Variants in KLHL1 observed in about 807,000 individuals in gnomAD.
The protein encoded by KLHL1 is kelch-like protein 1.
KLHL1 carries 47 observed loss-of-function variants against 77.7 expected under a neutral mutation model. That is an observed-to-expected ratio of 0.60 (90% CI 0.48 to 0.77). The LOEUF is 0.77. Among genes scored for constraint, KLHL1 ranks in the 30% least tolerant of loss-of-function variants. The pLI, the probability that KLHL1 is intolerant of heterozygous loss-of-function variation, is 0.00. For missense variants in KLHL1, 925 were observed against 910.8 expected (o/e 1.02, Z -0.20); for synonymous variants, 360 against 325.2 (o/e 1.11, Z -1.15).
At chr13:69,883,855 T>C (rs1881096246) in intron 4 of KLHL1, among the ~76,000 whole-genome samples, 1 of 152,202 alleles carries the variant, frequency 6.6e-6, no homozygotes. Context: ...ATTCTGCTGT[T>C]TGGCCTTCTC....
At chr13:69,847,404 C>CAAA (rs11357077) in intron 5 of KLHL1, among the ~76,000 whole-genome samples, 2 of 145,850 alleles carry the variant, frequency 1.4e-5, no homozygotes, top group African/African-American at 2.6e-5. Flanking sequence ...ACTGCATTAG[C>CAAA]AAAAAAAAAA....
At chr13:69,730,708 T>C (rs1873505640) in intron 8 of KLHL1, among the ~76,000 whole-genome samples, 1 of 151,938 alleles carries the variant, frequency 6.6e-6, no homozygotes, top group Non-Finnish European at 1.5e-5. Context: ...GCCTCTTAAG[T>C]AGCTTTAACT....
At chr13:69,959,260 T>G (rs1883990723) in intron 3 of KLHL1, among the ~76,000 whole-genome samples, 1 of 152,008 alleles carries the variant, frequency 6.6e-6, no homozygotes, top group South Asian at 2.1e-4. Flanking sequence ...ACACAGGAAA[T>G]GCAAGACTGC....
intron 7 of KLHL1, among the ~76,000 whole-genome samples, chr13:69,767,787 C>A (rs1875379430): frequency 6.6e-6 from 1 of 152,084 alleles, no homozygotes; most frequent in Non-Finnish European, 1.5e-5. Flanking sequence ...ACCTCCATAT[C>A]CATGATCTTC....
intron 1 of KLHL1, among the ~76,000 whole-genome samples, chr13:70,070,772 T>C (rs1887119932): frequency 6.6e-6 from 1 of 152,090 alleles, no homozygotes; most frequent in South Asian, 2.1e-4. Flanking sequence ...TAACTGATAA[T>C]GATGTTATAA....
At chr13:69,739,889 A>C (rs956188642) in intron 8 of KLHL1, among the ~76,000 whole-genome samples, 10 of 152,116 alleles carry the variant, frequency 6.6e-5, no homozygotes, top group African/African-American at 2.4e-4. Context: ...TGCGTGTCAC[A>C]ATGAGGTGGT....
chr13:69,939,378 T>TATATATATACACAC (rs1200160699), intron 4 of KLHL1, among the ~76,000 whole-genome samples: 54 of 70,748 alleles, frequency 7.6e-4, no homozygotes, highest in African/African-American at 1.6e-3. Flanking sequence ...TATATATATA[T>TATATATATACACAC]ACACACACAC....
At chr13:69,949,613 G>C (rs958444787) in intron 3 of KLHL1, among the ~76,000 whole-genome samples, 7 of 151,732 alleles carry the variant, frequency 4.6e-5, no homozygotes, top group Non-Finnish European at 5.9e-5. Flanking sequence ...ACTTACGGAG[G>C]GGGGAGTTGT....
intron 6 of KLHL1, among the ~76,000 whole-genome samples, chr13:69,803,828 A>T (rs913102329): frequency 6.6e-6 from 1 of 152,202 alleles, no homozygotes; most frequent in Non-Finnish European, 1.5e-5. Flanking sequence ...CCAGCAAGAA[A>T]ACAGTACCTC....
intron 1 of KLHL1, among the ~76,000 whole-genome samples, chr13:70,058,374 G>A (rs890508458): frequency 2.0e-5 from 3 of 152,144 alleles, no homozygotes; most frequent in African/African-American, 2.4e-5. Context: ...GATAAATTCA[G>A]TAAAGTTATA....
Position 69,892,328 on chromosome 13 carries a change from A to G in KLHL1, c.1015-9833T>C, listed in dbSNP as rs1022321830. ...TATGTGTTGAGGTCTGTTTCTTTTC[A>G]TTGCAGTAAACTGTCCAGGGCACCT... On this transcript the variant is annotated intron_variant, in intron 4 of 10. Transcript: ENST00000377844. Among the ~76,000 whole-genome samples, 11 of 152,174 alleles carry G rather than the reference A, an allele frequency of 7.2e-5. No homozygotes were observed. The East Asian group carries it at 2.1e-3, about 29-fold the overall frequency.
intron 1 of KLHL1, among the ~76,000 whole-genome samples, chr13:70,024,412 G>T (rs1208862129): frequency 6.6e-6 from 1 of 151,654 alleles, no homozygotes; most frequent in Non-Finnish European, 1.5e-5. Context: ...AAACTCAGGG[G>T]ACTTGCCATG....
At chr13:69,955,423 G>T (rs2137260546) in intron 3 of KLHL1, among the ~76,000 whole-genome samples, 1 of 151,434 alleles carries the variant, frequency 6.6e-6, no homozygotes, top group Non-Finnish European at 1.5e-5. Context: ...TTAAAGGTCT[G>T]CCATTTGGCA....
Position 69,955,990 on chromosome 13 carries a change from TTATTTGATATATATTTATATA to T in KLHL1, c.817+5297_817+5317del, listed in dbSNP as rs1331023434. On this transcript the variant is annotated intron_variant, in intron 3 of 10. Transcript: ENST00000377844. ...ATATATTTGATATATATTTATATATTTATTTGATATATATTTATATATATTTGATATATATTTATATATATT... is the reference window on the plus strand; with the variant it reads ...ATATATTTGATATATATTTATATATTTATTTGATATATATTTATATATATT... Among the ~76,000 whole-genome samples, 57 of 106,880 alleles carry T rather than the reference TTATTTGATATATATTTATATA, an allele frequency of 5.3e-4. 1 individual carries two copies. Among genetic ancestry groups the T allele is most frequent in the Middle Eastern group, 4.7e-3 (1 of 214 alleles). 70.1% of individuals were successfully genotyped at this position (106,880 alleles called of 152,430 possible).
chr13:69,754,485 G>A (rs902526925), intron 7 of KLHL1, among the ~76,000 whole-genome samples: 3 of 152,138 alleles, frequency 2.0e-5, no homozygotes, highest in Non-Finnish European at 2.9e-5. Flanking sequence ...AATGCACAAA[G>A]TTTGTGTCAT....
intron 1 of KLHL1, among the ~76,000 whole-genome samples, chr13:70,010,105 C>A (rs1885497306): frequency 6.6e-6 from 1 of 151,536 alleles, no homozygotes; most frequent in Non-Finnish European, 1.5e-5. Flanking sequence ...AGTGGAAGAA[C>A]AAAAGAGAGT....
chr13:69,911,598 T>C (rs1882242009), intron 4 of KLHL1, among the ~76,000 whole-genome samples: 2 of 149,434 alleles, frequency 1.3e-5, no homozygotes, highest in Non-Finnish European at 3.0e-5. Flanking sequence ...AAAGCACTAA[T>C]AGTAACTCAA....
At chr13:70,027,423 T>C (rs1441544) in intron 1 of KLHL1, among the ~76,000 whole-genome samples, 125,313 of 151,804 alleles carry the variant, frequency 0.83, 52,539 homozygotes, top group East Asian at 0.92. Context: ...CCAACACAGC[T>C]TACCTTTCTT....
At chr13:69,900,687 C>T (rs943478169) in intron 4 of KLHL1, among the ~76,000 whole-genome samples, 1 of 152,132 alleles carries the variant, frequency 6.6e-6, no homozygotes, top group African/African-American at 2.4e-5. Context: ...ACATCATGGA[C>T]AGAGGGAAAC....
Sources: allele counts gnomAD v4.1 joint callset (sites outside exome capture counted in the v4.1 genomes callset), GRCh38; gene constraint gnomAD v4.1.1; transcripts MANE v1.5; gene names NCBI Gene and HGNC (gene_info 2026-07-23, HGNC 2026-07-21).